The following OSBP2 variants were observed in gnomAD, a reference collection of about 807,000 sequenced individuals.
The protein encoded by OSBP2 is oxysterol-binding protein 2.
In OSBP2, 66 loss-of-function variants were observed where a neutral mutation model predicts 96.0. That is an observed-to-expected ratio of 0.69 (90% CI 0.56 to 0.84). OSBP2 has a LOEUF of 0.84. Among genes scored for constraint, OSBP2 ranks in the 40% least tolerant of loss-of-function variants. OSBP2 has a pLI of 0.00. For synonymous variants in OSBP2, 525 were observed against 520.9 expected (o/e 1.01, Z -0.11); for missense variants, 1,038 against 1,222.7 (o/e 0.85, Z 2.25).
chr22:30,780,590 C>T (rs954247898), intron 2 of OSBP2, among the ~76,000 whole-genome samples: 6 of 152,192 alleles, frequency 3.9e-5, no homozygotes, highest in Non-Finnish European at 8.8e-5. Flanking sequence ...CTCCACCTCC[C>T]GGGTTCAAGC....
At chr22:30,738,762 A>G (rs558513184) in intron 1 of OSBP2, among the ~76,000 whole-genome samples, 1 of 151,842 alleles carries the variant, frequency 6.6e-6, no homozygotes, top group Admixed American at 6.6e-5. Flanking sequence ...GGGTTTCACC[A>G]TGTTAGCCAG....
At chr22:30,824,035 T>C (rs567340331) in intron 2 of OSBP2, among the ~76,000 whole-genome samples, 2 of 152,344 alleles carry the variant, frequency 1.3e-5, no homozygotes, top group African/African-American at 2.4e-5. Flanking sequence ...TGCCCTTGTC[T>C]GGAAGTGTTA....
intron 2 of OSBP2, among the ~76,000 whole-genome samples, chr22:30,847,277 G>C (rs8139392): frequency 0.53 from 80,065 of 151,330 alleles, 22,543 homozygotes; most frequent in African/African-American, 0.73. Flanking sequence ...CTGCACCCAG[G>C]CTCATTCTTT....
At chr22:30,701,511 T>A (rs2145668579) in intron 1 of OSBP2, among the ~76,000 whole-genome samples, 1 of 151,994 alleles carries the variant, frequency 6.6e-6, no homozygotes, top group East Asian at 1.9e-4. Context: ...ACCCGGCTTA[T>A]TTTTTGTATT....
chr22:30,860,326 T>C (rs1032132275), intron 2 of OSBP2, among the ~76,000 whole-genome samples: 6 of 152,030 alleles, frequency 3.9e-5, no homozygotes, highest in African/African-American at 1.4e-4. Context: ...AAGAGGAGGC[T>C]CTTGTCTAGA....
At chr22:30,738,582 C>T (rs1424673148) in intron 1 of OSBP2, among the ~76,000 whole-genome samples, 6 of 150,190 alleles carry the variant, frequency 4.0e-5, no homozygotes, top group South Asian at 2.1e-4. Context: ...TTCTTTGAGA[C>T]GGAGTTTCGC....
intron 2 of OSBP2, among the ~76,000 whole-genome samples, chr22:30,781,870 G>A (rs1045271749): frequency 2.0e-5 from 3 of 152,126 alleles, no homozygotes; most frequent in Admixed American, 6.6e-5. Flanking sequence ...TCATAGACTC[G>A]GCACAGTGGC....
intron 2 of OSBP2, among the ~76,000 whole-genome samples, chr22:30,802,742 G>A (rs1435943618): frequency 6.6e-6 from 1 of 152,256 alleles, no homozygotes; most frequent in East Asian, 1.9e-4. Flanking sequence ...GGCCTCGCGC[G>A]GCTCTCATCG....
chr22:30,697,438 A>C (rs2089064679), intron 1 of OSBP2, among the ~76,000 whole-genome samples: 4 of 151,858 alleles, frequency 2.6e-5, no homozygotes, highest in Non-Finnish European at 5.9e-5. Context: ...GCCACCACAC[A>C]CGGTTAATTT....
intron 1 of OSBP2, among the ~76,000 whole-genome samples, chr22:30,695,770 G>A (rs1262189522): frequency 2.0e-5 from 3 of 152,232 alleles, no homozygotes; most frequent in Non-Finnish European, 4.4e-5. Flanking sequence ...ATGACCTCTG[G>A]CAAGCTTGGG....
rs115570947 is a variant in OSBP2 at position 30,764,429 on chromosome 22, G to A, written c.853+23060G>A. The A allele has an allele frequency of 6.8e-5, 67 of 980,674 alleles. No individual in the cohort carries two copies. In the African/African-American group the frequency reaches 1.1e-3, roughly 16 times the overall value. 60.7% of individuals were successfully genotyped at this position (980,674 alleles called of 1,614,324 possible). A position where few individuals can be genotyped will look rare whatever the true frequency, so the allele number is the denominator to read the frequency against. On this transcript the variant is annotated intron_variant, in intron 2 of 13. Coordinates refer to ENST00000332585, the MANE Select transcript of OSBP2 (RefSeq NM_030758.4). ...AAGAATTTCCTCCTGTTCCTGTTGG[G>A]TGTGATCCCACTGAGGTGGAAATAA...
intron 1 of OSBP2, among the ~76,000 whole-genome samples, chr22:30,728,193 G>GCC: frequency 1.3e-5 from 2 of 151,310 alleles, no homozygotes; most frequent in South Asian, 4.2e-4. Context: ...TCAGGAGATA[G>GCC]AGACCATCCT....
intron 2 of OSBP2, among the ~76,000 whole-genome samples, chr22:30,745,730 A>G (rs1175842342): frequency 1.3e-5 from 2 of 151,760 alleles, no homozygotes; most frequent in Non-Finnish European, 2.9e-5. Flanking sequence ...AGAAAAACCA[A>G]TAGAGAGAAT....
At chr22:30,752,102 A>G (rs1222455333) in intron 2 of OSBP2, among the ~76,000 whole-genome samples, 1 of 152,110 alleles carries the variant, frequency 6.6e-6, no homozygotes, top group Non-Finnish European at 1.5e-5. Flanking sequence ...GTGTTGGAGC[A>G]GAGTGCTGTT....
At chr22:30,821,832 C>T (rs990398606) in intron 2 of OSBP2, among the ~76,000 whole-genome samples, 2 of 152,218 alleles carry the variant, frequency 1.3e-5, no homozygotes, top group African/African-American at 2.4e-5. Context: ...TCACTTAACA[C>T]GAATTTATTA....
At chr22:30,840,818 T>G (rs1430413315) in intron 2 of OSBP2, among the ~76,000 whole-genome samples, 1 of 152,070 alleles carries the variant, frequency 6.6e-6, no homozygotes, top group East Asian at 1.9e-4. Context: ...TAGTGTTTTT[T>G]TTTTTAACAG....
chr22:30,802,860 C>T (rs1368545549), intron 2 of OSBP2, among the ~76,000 whole-genome samples: 1 of 152,146 alleles, frequency 6.6e-6, no homozygotes, highest in Admixed American at 6.5e-5. Context: ...CTCAGGCTGA[C>T]GGGCGGGCGG....
At chr22:30,715,337 GTGA>G (rs909656967) in intron 1 of OSBP2, among the ~76,000 whole-genome samples, 3 of 150,380 alleles carry the variant, frequency 2.0e-5, no homozygotes, top group Non-Finnish European at 4.4e-5. Flanking sequence ...TTGCATTTCT[GTGA>G]TGATAAGTGA....
chr22:30,726,618 C>A (rs193243292), intron 1 of OSBP2, among the ~76,000 whole-genome samples: 16 of 152,192 alleles, frequency 1.1e-4, no homozygotes, highest in Non-Finnish European at 2.2e-4. Context: ...GCACGTTCTG[C>A]ACATGTATCC....
Sources: gnomAD v4.1 joint callset for allele counts (sites outside exome capture counted in the v4.1 genomes callset) on GRCh38, gnomAD v4.1.1 for gene constraint, MANE v1.5 for transcripts, NCBI Gene and HGNC (gene_info 2026-07-23, HGNC 2026-07-21) for gene names.